Variants in MARK1 observed in about 807,000 individuals in gnomAD.
MARK1 encodes microtubule affinity regulating kinase 1, also known as serine/threonine-protein kinase MARK1.
Under a neutral mutation model 96.3 loss-of-function variants are expected in MARK1, and 40 were observed. The ratio of observed to expected loss-of-function variants is 0.42; its 90% CI spans 0.32 to 0.54. The LOEUF is 0.54. Ranked by LOEUF, MARK1 falls within the 20% of genes least tolerant of loss-of-function variation. The pLI is 0.16. For missense variants in MARK1, 719 were observed against 984.6 expected (o/e 0.73, Z 3.61); for synonymous variants, 317 against 341.2 (o/e 0.93, Z 0.78).
chr1:220,557,174 C>G (rs537547659), intron 1 of MARK1, among the ~76,000 whole-genome samples: 1 of 152,188 alleles, frequency 6.6e-6, no homozygotes, highest in African/African-American at 2.4e-5. Flanking sequence ...AGTTAGAGTT[C>G]TCATCAGCAA....
chr1:220,619,452 C>T (rs978598496), intron 9 of MARK1, among the ~76,000 whole-genome samples: 9 of 151,766 alleles, frequency 5.9e-5, no homozygotes, highest in Non-Finnish European at 8.8e-5. Flanking sequence ...CCAGCCTGGG[C>T]GACAGAGCGA....
At chr1:220,590,303 A>G (rs1194624417) in intron 3 of MARK1, among the ~76,000 whole-genome samples, 3 of 152,190 alleles carry the variant, frequency 2.0e-5, no homozygotes, top group East Asian at 3.9e-4. Context: ...TAGTCGGGCC[A>G]TCACAAAATA....
chr1:220,566,752 GTAAGTAGTTTC>G (rs1663085783), intron 1 of MARK1, among the ~76,000 whole-genome samples: 3 of 152,080 alleles, frequency 2.0e-5, no homozygotes, highest in Admixed American at 1.3e-4. Context: ...TAGAAAGTAG[GTAAGTAGTTTC>G]TATCTACTTA....
intron 13 of MARK1, among the ~76,000 whole-genome samples, chr1:220,645,474 C>G (rs551670095): frequency 1.3e-5 from 2 of 152,144 alleles, no homozygotes; most frequent in Non-Finnish European, 2.9e-5. Context: ...CAGCTGAATT[C>G]TAATAGAGGT....
chr1:220,635,780 A>G (rs1306369547), intron 12 of MARK1, 53 bp from the exon 13 acceptor site: 6 of 1,392,332 alleles, frequency 4.3e-6, no homozygotes, highest in Non-Finnish European at 4.9e-6. Context: ...TTGTGAGCAG[A>G]AAGTAGATCA....
At position 220,653,155 on chromosome 1, in the gene MARK1, G is replaced by A. The variant is rs1367015854; in HGVS notation, c.1791G>A (p.Ala597=). The A allele has an allele frequency of 3.1e-6, 5 of 1,614,164 alleles. No homozygotes were observed. The South Asian group carries it at 3.3e-5, about 11-fold the overall frequency. Residue 597 remains alanine (A), a synonymous_variant, in exon 16 of 18, where the codon GCG becomes GCA. Coordinates refer to ENST00000366917, the MANE Select transcript of MARK1 (RefSeq NM_018650.5). The part of the protein sequence containing the change: ...ASPSAHSIST[A]TPDRTRFPRG... ...CATCTGCTCACAGTATTAGTACTGC[G>A]ACTCCAGACCGGACCCGTTTTCCCC...
chr1:220,603,843 A>G (rs751596297), intron 5 of MARK1, among the ~76,000 whole-genome samples: 2 of 152,028 alleles, frequency 1.3e-5, no homozygotes, highest in Non-Finnish European at 2.9e-5. Flanking sequence ...TTTATGACTT[A>G]TTTTTTAAAG....
intron 1 of MARK1, among the ~76,000 whole-genome samples, chr1:220,542,315 G>C (rs1661200764): frequency 6.6e-6 from 1 of 152,090 alleles, no homozygotes; most frequent in African/African-American, 2.4e-5. Context: ...TCCATTATCT[G>C]AAGTCCCTAG....
intron 1 of MARK1, among the ~76,000 whole-genome samples, chr1:220,541,538 C>T (rs146847606): frequency 2.6e-4 from 40 of 152,142 alleles, no homozygotes; most frequent in South Asian, 1.9e-3. Context: ...ATTGTTGTGT[C>T]GCCGTCTATT....
At chr1:220,626,647 C>A (rs1235902495) in intron 9 of MARK1, 2 of 350,382 alleles carry the variant, frequency 5.7e-6, no homozygotes, top group Non-Finnish European at 1.1e-5. Flanking sequence ...CATGGTGAAA[C>A]CCCGCATCTA....
At chr1:220,600,844 T>C (rs1045483763) in intron 5 of MARK1, among the ~76,000 whole-genome samples, 1 of 152,106 alleles carries the variant, frequency 6.6e-6, no homozygotes, top group African/African-American at 2.4e-5. Context: ...TTATCTAGTC[T>C]GTAGCAACTA....
At position 220,598,347 on chromosome 1, in the gene MARK1, G is replaced by A. The variant is rs749268082; in HGVS notation, c.326G>A (p.Arg109Gln). ...TSLQKLFREV[R>Q]IMKILNHPNI... ...CTTTAACAGTTATTTCGAGAAGTAC[G>A]AATAATGAAGATACTGAATCATCCT... Residue 109 changes from arginine to glutamine, a missense_variant, in exon 4 of 18, where the codon CGA becomes CAA. Around this residue, in one of 4 missense-constraint regions of MARK1, gnomAD observed 105 missense variants for 133.4 expected, o/e 0.79. Coordinates refer to ENST00000366917, the MANE Select transcript of MARK1 (RefSeq NM_018650.5). 2 of 593,266 alleles carry A rather than the reference G, an allele frequency of 3.4e-6. No homozygotes were observed. The highest frequency in any genetic ancestry group is 1.6e-5 in the South Asian group (1 of 61,808). 36.8% of individuals were successfully genotyped at this position (593,266 alleles called of 1,614,324 possible).
intron 3 of MARK1, among the ~76,000 whole-genome samples, chr1:220,597,773 A>C (rs191203054): frequency 3.9e-5 from 6 of 152,290 alleles, no homozygotes; most frequent in Non-Finnish European, 7.4e-5. Flanking sequence ...AAATTTTAAC[A>C]TTTGTGTTTC....
chr1:220,630,020 T>C (rs1161948907), intron 9 of MARK1, among the ~76,000 whole-genome samples: 1 of 152,188 alleles, frequency 6.6e-6, no homozygotes, highest in Non-Finnish European at 1.5e-5. Context: ...TTGAGGAACC[T>C]CTGTACTATT....
rs750355718 is a variant in MARK1, at chr1:220,653,166, G to A, written c.1802G>A (p.Arg601Gln). The A allele has an allele frequency of 1.1e-5, 17 of 1,614,200 alleles. No homozygotes were observed. Among genetic ancestry groups the A allele is most frequent in the East Asian group, 4.5e-5 (2 of 44,892 alleles). Residue 601 changes from arginine (R) to glutamine (Q), a missense_variant, in exon 16 of 18, where the codon CGG becomes CAG. By Grantham distance (43) the Arg-to-Gln change is conservative. Transcript: ENST00000366917. ...AHSISTATPD[R>Q]TRFPRGSSSR... ...AGTATTAGTACTGCGACTCCAGACCGGACCCGTTTTCCCCGAGGGAGCTCA... is the reference window on the plus strand; with the variant it reads ...AGTATTAGTACTGCGACTCCAGACCAGACCCGTTTTCCCCGAGGGAGCTCA...
intron 1 of MARK1, among the ~76,000 whole-genome samples, chr1:220,573,782 T>G (rs1663641001): frequency 6.6e-6 from 1 of 151,766 alleles, no homozygotes; most frequent in Non-Finnish European, 1.5e-5. Flanking sequence ...TGTAGTATAT[T>G]GTATATTGTA....
At chr1:220,624,548 G>A (rs946290317) in intron 9 of MARK1, among the ~76,000 whole-genome samples, 2 of 149,738 alleles carry the variant, frequency 1.3e-5, no homozygotes, top group Non-Finnish European at 3.0e-5. Context: ...GCAGTGAGGC[G>A]AGATTGTGCC....
At chr1:220,633,727 T>C (rs1348010522) in intron 11 of MARK1, among the ~76,000 whole-genome samples, 1 of 152,088 alleles carries the variant, frequency 6.6e-6, no homozygotes. Flanking sequence ...TGGCGACCAG[T>C]TGGAAATAAG....
At chr1:220,546,435 A>G (rs527256033) in intron 1 of MARK1, among the ~76,000 whole-genome samples, 2 of 152,312 alleles carry the variant, frequency 1.3e-5, no homozygotes, top group South Asian at 2.1e-4. Flanking sequence ...GAAGAATAGG[A>G]TGATAAAAAG....
Sources: allele counts gnomAD v4.1 joint callset (sites outside exome capture counted in the v4.1 genomes callset), GRCh38; gene constraint gnomAD v4.1.1; regional missense constraint gnomAD v4.1.1; transcripts MANE v1.5; gene names NCBI Gene and HGNC (gene_info 2026-07-23, HGNC 2026-07-21).